Variants in KCNH8 observed in about 807,000 individuals in gnomAD.
KCNH8 encodes the protein voltage-gated delayed rectifier potassium channel KCNH8.
KCNH8 carries 70 observed loss-of-function variants against 103.6 expected under a neutral mutation model. The ratio of observed to expected loss-of-function variants is 0.68; its 90% CI spans 0.56 to 0.82. The LOEUF (loss-of-function observed/expected upper bound fraction) is 0.82, where lower values mean the gene tolerates loss of function less well. Ranked by LOEUF, KCNH8 falls within the 40% of genes least tolerant of loss-of-function variation. The pLI is 0.00. For synonymous variants in KCNH8, 498 were observed against 489.4 expected (o/e 1.02, Z -0.23); for missense variants, 1,217 against 1,329.9 (o/e 0.92, Z 1.32).
intron 11 of KCNH8, among the ~76,000 whole-genome samples, chr3:19,498,448 A>C (rs1383684440): frequency 6.6e-6 from 1 of 152,046 alleles, no homozygotes; most frequent in East Asian, 1.9e-4. Flanking sequence ...GGTGGTAATG[A>C]ATTCCCTCAG....
At chr3:19,237,407 T>G (rs1361478497) in intron 1 of KCNH8, among the ~76,000 whole-genome samples, 1 of 152,226 alleles carries the variant, frequency 6.6e-6, no homozygotes, top group Admixed American at 6.5e-5. Context: ...GTTCAAAATA[T>G]GACCTACTCA....
intron 3 of KCNH8, among the ~76,000 whole-genome samples, chr3:19,300,819 TTAAG>T (rs1301152562): frequency 6.6e-5 from 10 of 151,458 alleles, no homozygotes; most frequent in African/African-American, 9.7e-5. Context: ...TTTATATTTA[TTAAG>T]TAATATTAAT....
chr3:19,313,665 C>T (rs1158091537), intron 3 of KCNH8, among the ~76,000 whole-genome samples: 2 of 148,230 alleles, frequency 1.3e-5, no homozygotes, highest in Non-Finnish European at 3.0e-5. Context: ...TTGAAGTATA[C>T]ATTCTTTTTT....
intron 1 of KCNH8, among the ~76,000 whole-genome samples, chr3:19,217,721 T>C (rs2063831600): frequency 6.6e-6 from 1 of 152,214 alleles, no homozygotes; most frequent in Admixed American, 6.5e-5. Context: ...CTTCAGCGTC[T>C]GTACTTACAG....
At chr3:19,237,523 A>G (rs1575459013) in intron 1 of KCNH8, among the ~76,000 whole-genome samples, 1 of 152,252 alleles carries the variant, frequency 6.6e-6, no homozygotes, top group East Asian at 1.9e-4. Flanking sequence ...ATTAAAGGGC[A>G]ACTGCAGTGG....
At chr3:19,460,365 G>A (rs187146246) in intron 11 of KCNH8, among the ~76,000 whole-genome samples, 1 of 152,188 alleles carries the variant, frequency 6.6e-6, no homozygotes, top group East Asian at 1.9e-4. Flanking sequence ...TAGCCTTCTA[G>A]GTGCTATTTT....
intron 3 of KCNH8, among the ~76,000 whole-genome samples, chr3:19,319,741 G>A (rs1487812579): frequency 6.6e-6 from 1 of 151,970 alleles, no homozygotes; most frequent in African/African-American, 2.4e-5. Context: ...CATTGAATTT[G>A]CAGATTGCTT....
intron 5 of KCNH8, among the ~76,000 whole-genome samples, chr3:19,362,878 C>A (rs2065965164): frequency 6.6e-6 from 1 of 152,030 alleles, no homozygotes; most frequent in Admixed American, 6.6e-5. Context: ...GGCTAGTTTC[C>A]TGAGCTCAAG....
At chr3:19,493,406 C>T (rs2068368757) in intron 11 of KCNH8, among the ~76,000 whole-genome samples, 1 of 152,016 alleles carries the variant, frequency 6.6e-6, no homozygotes. Context: ...ATGCTGCTCT[C>T]GTGATAGTGA....
At chr3:19,303,000 A>G (rs887665999) in intron 3 of KCNH8, among the ~76,000 whole-genome samples, 4 of 152,136 alleles carry the variant, frequency 2.6e-5, no homozygotes, top group African/African-American at 9.7e-5. Flanking sequence ...TCATCTTATG[A>G]TTGCAAAACC....
intron 3 of KCNH8, among the ~76,000 whole-genome samples, chr3:19,287,767 G>A (rs2064853100): frequency 6.6e-6 from 1 of 152,128 alleles, no homozygotes; most frequent in African/African-American, 2.4e-5. Flanking sequence ...TGTATTTTTA[G>A]TAGAGACGGG....
intron 1 of KCNH8, among the ~76,000 whole-genome samples, chr3:19,224,372 G>A (rs2063906868): frequency 6.6e-6 from 1 of 151,904 alleles, no homozygotes; most frequent in African/African-American, 2.4e-5. Flanking sequence ...GTCTAGTGAT[G>A]GTTAATTTGT....
intron 7 of KCNH8, among the ~76,000 whole-genome samples, chr3:19,419,372 T>G (rs2066916634): frequency 6.6e-6 from 1 of 151,420 alleles, no homozygotes; most frequent in African/African-American, 2.4e-5. Context: ...GCTAATTTTT[T>G]TGTATTTTTA....
intron 7 of KCNH8, among the ~76,000 whole-genome samples, chr3:19,396,365 G>C (rs1298748100): frequency 1.3e-5 from 2 of 152,020 alleles, no homozygotes; most frequent in Non-Finnish European, 2.9e-5. Flanking sequence ...GCCTTCAAAG[G>C]CAGCACTGGA....
chr3:19,272,186 T>G (rs1406332703), intron 2 of KCNH8, among the ~76,000 whole-genome samples: 1 of 152,078 alleles, frequency 6.6e-6, no homozygotes, highest in Non-Finnish European at 1.5e-5. Context: ...TTTGGATGGT[T>G]TGCCCATTCC....
At chr3:19,193,477 C>T (rs1351613519) in intron 1 of KCNH8, among the ~76,000 whole-genome samples, 1 of 151,578 alleles carries the variant, frequency 6.6e-6, no homozygotes, top group Middle Eastern at 3.2e-3. Context: ...CTGTGTTAGA[C>T]CCAAGAGATA....
chr3:19,172,197 C>T (rs1412357986), intron 1 of KCNH8, among the ~76,000 whole-genome samples: 1 of 152,062 alleles, frequency 6.6e-6, no homozygotes, highest in Non-Finnish European at 1.5e-5. Flanking sequence ...TCTAGGTTGT[C>T]TTTGCAAAAA....
chr3:19,512,795 G>A (rs1230694348), intron 12 of KCNH8, among the ~76,000 whole-genome samples, 175 bp from the exon 13 acceptor site: 4 of 152,002 alleles, frequency 2.6e-5, no homozygotes, highest in African/African-American at 9.7e-5. Context: ...GAGCAGAAGT[G>A]GGAAGACCTT....
chr3:19,254,377 T>A lies in KCNH8; in HGVS notation c.310+490T>A, dbSNP rs543612209. On this transcript the variant is annotated intron_variant, in intron 2 of 15. Transcript: ENST00000328405. ...ATATGCATTTTCTTTTCCGGTTACC[T>A]AGCCACAGAGCCTTTCTCACTATGC... Among the ~76,000 whole-genome samples the A allele has an allele frequency of 1.8e-3, 278 of 152,248 alleles. 6 individuals carry two copies. In the South Asian group the frequency reaches 0.047, roughly 26 times the overall value.
Sources: allele counts gnomAD v4.1 joint callset (sites outside exome capture counted in the v4.1 genomes callset), GRCh38; gene constraint gnomAD v4.1.1; transcripts MANE v1.5; gene names NCBI Gene and HGNC (gene_info 2026-07-23, HGNC 2026-07-21).